The following ENOSF1 variants were observed in gnomAD, a reference collection of about 807,000 sequenced individuals.
ENOSF1 encodes enolase superfamily member 1.
In ENOSF1, 73 loss-of-function variants were observed where a neutral mutation model predicts 68.2. The ratio of observed to expected loss-of-function variants is 1.07; its 90% confidence interval spans 0.89 to 1.30. The LOEUF is 1.30. Among genes scored for constraint, ENOSF1 ranks in the 50% most tolerant of loss-of-function variants. ENOSF1 has a pLI of 0.00. For missense variants in ENOSF1, 589 were observed against 554.5 expected (o/e 1.06, Z -0.62); for synonymous variants, 223 against 210.4 (o/e 1.06, Z -0.52).
intron 10 of ENOSF1, among the ~76,000 whole-genome samples, chr18:685,291 C>T (rs2076509878): frequency 6.6e-6 from 1 of 151,766 alleles, no homozygotes; most frequent in African/African-American, 2.4e-5. Flanking sequence ...AGGCATGAGC[C>T]ACAGCATCTG....
In ENOSF1 at chr18:678,293, T is replaced by C. The variant is rs1313245529; in HGVS notation, c.918+403A>G. The C allele has an allele frequency of 1.3e-5, 4 of 305,494 alleles. No individual in the cohort carries two copies. The East Asian group carries it at 3.2e-4, about 24-fold the overall frequency. The allele number at this position is 305,494 out of a possible 1,614,324, so 18.9% of individuals were successfully genotyped here. On this transcript the variant is annotated intron_variant, in intron 12 of 15. Coordinates refer to ENST00000647584, the MANE Select transcript of ENOSF1 (RefSeq NM_017512.7). The stretch of plus-strand genomic sequence containing the variant: ...ACTGAGAATCAGCTCCTCACGCTGC[T>C]CTGCTCGTGGGCTGACTGCAGCAGG...
rs749560981 is a variant in ENOSF1, at chr18:674,399, C to A, written c.1238G>T (p.Gly413Val). The change falls in exon 16 of 16, where the codon GGC (glycine) becomes GTC (valine). Residue 413 changes from glycine to valine, a missense_variant. Physicochemically the swap from Gly to Val is moderately radical, Grantham distance 109. Coordinates refer to ENST00000647584, the MANE Select transcript of ENOSF1 (RefSeq NM_017512.7). ...RASYMPPKDP[G>V]YSTEMKEESV... is the part of the protein sequence containing the mutation. ...TTCCTCCTTCATTTCTGTTGAGTAG[C>A]CGGGATCCTATCAAAGACCAAAAAA... 6 of 1,606,964 alleles carry A rather than the reference C, an allele frequency of 3.7e-6. No homozygotes were observed. The highest frequency in any genetic ancestry group is 5.1e-6 in the Non-Finnish European group (6 of 1,177,840).
At chr18:682,966 GGAACCA>G (rs2076230150) in intron 11 of ENOSF1, 1 of 369,242 alleles carries the variant, frequency 2.7e-6, no homozygotes, top group Non-Finnish European at 4.9e-6. Context: ...ACAAAGCATA[GGAACCA>G]TGTCTATTAA....
At position 706,451 on chromosome 18, in the gene ENOSF1, G is replaced by T. The variant is rs1005088790; in HGVS notation, c.193+19C>A. ...TGAAAATTAAGCATTCTGGAACCTC[G>T]AGAGAATCTTCAACTCACCAACTTC... On this transcript the variant is annotated intron_variant, in intron 2 of 15. Transcript: ENST00000647584. The T allele has an allele frequency of 6.6e-7, 1 of 1,513,286 alleles. No individual in the cohort carries two copies. The allele number at this position is 1,513,286 out of a possible 1,614,324, so 93.7% of individuals were successfully genotyped here. A position where few individuals can be genotyped will look rare whatever the true frequency, so the allele number is the denominator to read the frequency against.
At chr18:689,693 CTG>C (rs2076959028) in intron 8 of ENOSF1, among the ~76,000 whole-genome samples, 2 of 152,028 alleles carry the variant, frequency 1.3e-5, no homozygotes, top group African/African-American at 2.4e-5. Context: ...GCCCCCATCG[CTG>C]CCCCCCTATT....
chr18:690,511 C>T, intron 8 of ENOSF1, 38 bp downstream of exon 8: 1 of 1,612,526 alleles, frequency 6.2e-7, no homozygotes, highest in Non-Finnish European at 8.5e-7. Context: ...TGGTTTCTCC[C>T]CATTCAGCTG....
At position 673,309 on chromosome 18, in the gene ENOSF1, A is replaced by G. The variant is rs2075153584; in HGVS notation, c.*996T>C. On this transcript the variant is annotated 3_prime_UTR_variant, in exon 16 of 16. Coordinates refer to ENST00000647584, the MANE Select transcript of ENOSF1 (RefSeq NM_017512.7). ...GTGCATTTCAATCCCACGTACTTAT[A>G]AAGAAGGTTGGTGAATTTCACAAGC... 1 of 246,318 alleles carries G rather than the reference A, an allele frequency of 4.1e-6. No individual in the cohort carries two copies. Among genetic ancestry groups the G allele is most frequent in the African/African-American group, 2.2e-5 (1 of 45,464 alleles). 15.3% of individuals were successfully genotyped at this position (246,318 alleles called of 1,614,324 possible).
At chr18:698,075 T>C (rs1475843869) in intron 2 of ENOSF1, among the ~76,000 whole-genome samples, 2 of 152,238 alleles carry the variant, frequency 1.3e-5, no homozygotes, top group Non-Finnish European at 2.9e-5. Flanking sequence ...ATTACAGGCA[T>C]AAGCCACTGT....
chr18:674,076 C>A lies in ENOSF1; in HGVS notation c.*229G>T. 1 of 392,022 alleles carries A rather than the reference C, an allele frequency of 2.6e-6. No individual in the cohort carries two copies. The highest frequency in any genetic ancestry group is 4.5e-6 in the Non-Finnish European group (1 of 219,836). 24.3% of individuals were successfully genotyped at this position (392,022 alleles called of 1,614,324 possible). A position where few individuals can be genotyped will look rare whatever the true frequency, so the allele number is the denominator to read the frequency against. ...ATTTTTGTAAGAACATCCTCCTGGA[C>A]TTTGGGTTAGTTAAATCTAAACTTA... is the stretch of plus-strand genomic sequence containing the variant. On this transcript the variant is annotated 3_prime_UTR_variant, in exon 16 of 16. Coordinates refer to ENST00000647584, the MANE Select transcript of ENOSF1 (RefSeq NM_017512.7).
chr18:691,251 A>G lies in ENOSF1; in HGVS notation c.449T>C (p.Ile150Thr). ...GACATCAGTGATGTACCTGAAATCT[A>G]TGCAGGATACCAGCATCCTGGGATC... The part of the protein sequence containing the change: ...DMDPRMLVSC[I>T]DFRYITDVLT... The change falls in exon 6 of 16, where the codon ATA becomes ACA. Residue 150 changes from isoleucine to threonine, a missense_variant. Coordinates refer to ENST00000647584, the MANE Select transcript of ENOSF1 (RefSeq NM_017512.7). 6.2e-7 allele frequency: 1 copy of G among 1,614,188 alleles called. No homozygotes were observed. The highest frequency in any genetic ancestry group is 8.5e-7 in the Non-Finnish European group (1 of 1,180,026).
In ENOSF1 at chr18:691,240, A is replaced by ATGT; in HGVS notation, c.459_460insACA (p.Arg153_Tyr154insThr). 1.2e-6 allele frequency: 2 copies of ATGT among 1,614,172 alleles called. No individual in the cohort carries two copies. The highest frequency in any genetic ancestry group is 3.3e-5 in the Admixed American group (2 of 60,030). ...TCCTCAGTCAGGACATCAGTGATGT[A>ATGT]CCTGAAATCTATGCAGGATACCAGC... On this transcript the variant is annotated inframe_insertion, in exon 6 of 16. Transcript: ENST00000647584.
In ENOSF1 at chr18:677,687, G is replaced by A. The variant is rs2075652846; in HGVS notation, c.1048+56C>T. On this transcript the variant is annotated intron_variant, in intron 13 of 15. Transcript: ENST00000647584. ...TGTGAATTGCAAACCATCAAGGGAGGTGTCTGATTAGTGGGGAAATGAAGG... is the reference window on the plus strand; with the variant it reads ...TGTGAATTGCAAACCATCAAGGGAGATGTCTGATTAGTGGGGAAATGAAGG... The A allele has an allele frequency of 1.9e-6, 3 of 1,570,480 alleles. 1 individual carries two copies. The Admixed American group carries it at 5.6e-5, about 29-fold the overall frequency.
At chr18:711,027 G>A (rs2145570872) in intron 1 of ENOSF1, among the ~76,000 whole-genome samples, 1 of 152,222 alleles carries the variant, frequency 6.6e-6, no homozygotes, top group South Asian at 2.1e-4. Context: ...GAAAGTAGCT[G>A]GGCATCATGG....
At chr18:704,852 C>T (rs1395801820) in intron 2 of ENOSF1, among the ~76,000 whole-genome samples, 1 of 152,076 alleles carries the variant, frequency 6.6e-6, no homozygotes, top group South Asian at 2.1e-4. Context: ...GCAATCTGCC[C>T]GCCTCAGCCT....
Position 697,786 on chromosome 18 carries a change from GTTTTC to G in ENOSF1, c.194-436_194-432del, listed in dbSNP as rs369038456. Among the ~76,000 whole-genome samples the G allele has an allele frequency of 3.3e-3, 508 of 152,104 alleles. 3 individuals carry two copies. The highest frequency in any genetic ancestry group is 1.0e-2 in the African/African-American group (413 of 41,504). On this transcript the variant is annotated intron_variant, in intron 2 of 15. Coordinates refer to ENST00000647584, the MANE Select transcript of ENOSF1 (RefSeq NM_017512.7). ...TTCTTTTTAAAATTGCATCAAATAT[GTTTTC>G]TTTTCTTTTCTTTTCTTTTTTAGGC...
At chr18:710,558 A>G (rs1388898430) in intron 1 of ENOSF1, among the ~76,000 whole-genome samples, 1 of 152,120 alleles carries the variant, frequency 6.6e-6, no homozygotes, top group East Asian at 1.9e-4. Context: ...TCCAGTGCCC[A>G]GGCTGGAATG....
At chr18:695,986 A>G (rs1033551987) in intron 3 of ENOSF1, among the ~76,000 whole-genome samples, 1 of 152,184 alleles carries the variant, frequency 6.6e-6, no homozygotes, top group Non-Finnish European at 1.5e-5. Flanking sequence ...AAGCCGGGTT[A>G]GGAAAAGACA....
At chr18:692,969 C>T (rs1377987318) in intron 5 of ENOSF1, 1 of 1,173,236 alleles carries the variant, frequency 8.5e-7, no homozygotes. Context: ...TAACAAGGGC[C>T]TTCATTTGTG....
At chr18:690,797 CAGG>C in intron 7 of ENOSF1, 166 bp from the exon 8 acceptor site, 1 of 1,482,064 alleles carries the variant, frequency 6.7e-7, no homozygotes, top group Non-Finnish European at 8.9e-7. Context: ...CCCAGGTGAT[CAGG>C]ATACTCTCAC....
Sources: allele counts gnomAD v4.1 joint callset (sites outside exome capture counted in the v4.1 genomes callset), GRCh38; gene constraint gnomAD v4.1.1; transcripts MANE v1.5; gene names NCBI Gene and HGNC (gene_info 2026-07-23, HGNC 2026-07-21).